The following PRTG variants were observed in gnomAD, a reference collection of about 807,000 sequenced individuals.
PRTG encodes immunoglobulin superfamily, DCC subclass, member 5.
A neutral mutation model predicts 122.5 loss-of-function variants in PRTG; 67 were observed. The observed-to-expected ratio is 0.55, with a 90% CI of 0.45 to 0.67. The LOEUF (loss-of-function observed/expected upper bound fraction) is 0.67, where lower values mean the gene tolerates loss of function less well. Among genes scored for constraint, PRTG ranks in the 30% least tolerant of loss-of-function variants. The pLI is 0.00. For synonymous variants in PRTG, 554 were observed against 501.1 expected (o/e 1.11, Z -1.41); for missense variants, 1,435 against 1,415.4 (o/e 1.01, Z -0.22).
chr15:55,720,739 C>T (rs1019905361), intron 2 of PRTG, among the ~76,000 whole-genome samples: 4 of 152,294 alleles, frequency 2.6e-5, no homozygotes, highest in South Asian at 2.1e-4. Flanking sequence ...CTGGGCCACA[C>T]TTGAAAAATA....
rs202082038 is a variant in PRTG at position 55,620,182 on chromosome 15, G to C, written c.3283C>G (p.Pro1095Ala). 8.2e-5 allele frequency: 133 copies of C among 1,614,030 alleles called. No homozygotes were observed. The highest frequency in any genetic ancestry group is 8.2e-4 in the Middle Eastern group (5 of 6,084). The change falls in exon 20 of 20, where the codon CCA becomes GCA. Residue 1095 changes from proline to alanine, a missense_variant. Pro to Ala is a conservative substitution (Grantham distance 27, BLOSUM62 -1). Transcript: ENST00000389286. Reference sequence around the variant, plus strand: ...CTTGAGAAGCTGGTTGTCTGACCTGGGGAGCTAGGGGAGTCTTCATCACTG... The same window carrying C: ...CTTGAGAAGCTGGTTGTCTGACCTGCGGAGCTAGGGGAGTCTTCATCACTG... ...LISDEDSPSS[P>A]GQTTSFSRPF...
intron 19 of PRTG, 47 bp downstream of exon 19, chr15:55,620,616 T>G: frequency 1.2e-5 from 19 of 1,548,634 alleles, no homozygotes; most frequent in Non-Finnish European, 1.6e-5. Context: ...AATCATCATT[T>G]CATATATCAC....
rs1451735449 is a variant in PRTG, at chr15:55,742,851, G to C, written c.81C>G (p.Leu27=). Residue 27 remains leucine, a synonymous_variant, in exon 1 of 20, where the codon CTC becomes CTG. Transcript: ENST00000389286. ...AAGCGCGCCCACCTGGCAAAGGACT[G>C]AGCAGCAGCAGGAGCAGGAGCGCGC... is the stretch of plus-strand genomic sequence containing the variant. ...LLRALLLLLL[L]SPLPGVWCFS... 47 of 1,540,470 alleles carry C rather than the reference G, an allele frequency of 3.1e-5. No individual in the cohort carries two copies. Among genetic ancestry groups the C allele is most frequent in the Non-Finnish European group, 4.1e-5 (47 of 1,142,152 alleles).
At chr15:55,666,796 C>T (rs1339355796) in intron 11 of PRTG, among the ~76,000 whole-genome samples, 1 of 152,066 alleles carries the variant, frequency 6.6e-6, no homozygotes, top group African/African-American at 2.4e-5. Context: ...TGCAGTTTTC[C>T]CAGGCACTAT....
chr15:55,743,127 C>T lies in PRTG; in HGVS notation c.-196G>A, dbSNP rs1362082306. 3.6e-5 allele frequency: 45 copies of T among 1,261,652 alleles called. No homozygotes were observed. The highest frequency in any genetic ancestry group is 4.3e-5 in the Admixed American group (1 of 23,172). The allele number at this position is 1,261,652 out of a possible 1,614,324, so 78.2% of individuals were successfully genotyped here. On this transcript the variant is annotated 5_prime_UTR_variant, in exon 1 of 20. Transcript: ENST00000389286. ...ACGGCCGCTCGCGAGAAGCAAGGGG[C>T]CTGAGAGTCCGGCTGGGGGCGGAGT...
chr15:55,695,126 GAAA>G (rs548676310), intron 2 of PRTG, among the ~76,000 whole-genome samples: 1 of 149,802 alleles, frequency 6.7e-6, no homozygotes, highest in Non-Finnish European at 1.5e-5. Context: ...TTTATAGTCA[GAAA>G]AAAAAACATT....
At chr15:55,730,370 G>A (rs2031188211) in intron 2 of PRTG, among the ~76,000 whole-genome samples, 1 of 152,018 alleles carries the variant, frequency 6.6e-6, no homozygotes, top group African/African-American at 2.4e-5. Context: ...CCAAAGTGCT[G>A]GGATTACAGG....
At chr15:55,661,137 A>G (rs1428296370) in intron 11 of PRTG, among the ~76,000 whole-genome samples, 2 of 152,182 alleles carry the variant, frequency 1.3e-5, no homozygotes, top group Non-Finnish European at 2.9e-5. Flanking sequence ...TTTCCCTAAA[A>G]CAAACAAACA....
chr15:55,624,371 T>TG lies in PRTG; in HGVS notation c.3063_3064insC (p.Ile1022HisfsTer8), dbSNP rs2059182855. 17 of 1,614,036 alleles carry TG rather than the reference T, an allele frequency of 1.1e-5. No homozygotes were observed. In the African/African-American group the frequency reaches 2.0e-4, roughly 19 times the overall value. On this transcript the variant is annotated frameshift_variant, in exon 18 of 20. Transcript: ENST00000389286. LOFTEE classifies it high-confidence loss of function. ...GCATCAATGAAGCTGTTTGGCATGA[T>TG]CATTGGCATTAAAGATTCTTCATTT...
In PRTG at chr15:55,743,109, C is replaced by T; in HGVS notation, c.-178G>A. ...GGCGAGGCTGGTGCTCGGACGGCCG[C>T]TCGCGAGAAGCAAGGGGCCTGAGAG... is the stretch of plus-strand genomic sequence containing the variant. On this transcript the variant is annotated 5_prime_UTR_variant, in exon 1 of 20. Coordinates refer to ENST00000389286, the MANE Select transcript of PRTG (RefSeq NM_173814.6). 3 of 1,277,776 alleles carry T rather than the reference C, an allele frequency of 2.3e-6. No homozygotes were observed. The highest frequency in any genetic ancestry group is 3.0e-6 in the Non-Finnish European group (3 of 1,016,742). 79.2% of individuals were successfully genotyped at this position (1,277,776 alleles called of 1,614,324 possible).
intron 11 of PRTG, among the ~76,000 whole-genome samples, chr15:55,663,997 A>G (rs187054714): frequency 1.3e-5 from 2 of 152,346 alleles, no homozygotes; most frequent in African/African-American, 2.4e-5. Flanking sequence ...GCTGAGGAGT[A>G]TTCCAATTGT....
chr15:55,736,107 G>C (rs188592927), intron 2 of PRTG, among the ~76,000 whole-genome samples: 2 of 152,220 alleles, frequency 1.3e-5, no homozygotes, highest in Admixed American at 1.3e-4. Context: ...ACATACCTCA[G>C]TTCTGTTGGT....
rs35216342 is a variant in PRTG, at chr15:55,708,148, T to TAAAAAAAAAAAAA, written c.398-24230_398-24218dup. ...CCTGTGGAAAGGAGGAGTAAGCTGG[T>TAAAAAAAAAAAAA]AAAAAAAAAAAAAAAAAAAAAAAAA... On this transcript the variant is annotated intron_variant, in intron 2 of 19. Coordinates refer to ENST00000389286, the MANE Select transcript of PRTG (RefSeq NM_173814.6). Among the ~76,000 whole-genome samples the TAAAAAAAAAAAAA allele has an allele frequency of 7.3e-4, 51 of 70,018 alleles. 8 individuals are homozygous for TAAAAAAAAAAAAA. Among genetic ancestry groups the TAAAAAAAAAAAAA allele is most frequent in the Non-Finnish European group, 9.8e-4 (34 of 34,540 alleles). The allele number at this position is 70,018 out of a possible 152,430, so 45.9% of individuals were successfully genotyped here.
chr15:55,661,011 T>C (rs901162861), intron 11 of PRTG, among the ~76,000 whole-genome samples: 2 of 152,236 alleles, frequency 1.3e-5, no homozygotes, highest in Admixed American at 6.5e-5. Context: ...ATGTGTTTTT[T>C]ATGTTTTAAA....
intron 2 of PRTG, among the ~76,000 whole-genome samples, chr15:55,724,665 T>C (rs531812037): frequency 2.0e-5 from 3 of 151,798 alleles, no homozygotes; most frequent in East Asian, 3.9e-4. Context: ...AGCTGAGGCA[T>C]GAGAATCACT....
At chr15:55,732,218 T>A (rs547112465) in intron 2 of PRTG, among the ~76,000 whole-genome samples, 44 of 152,336 alleles carry the variant, frequency 2.9e-4, no homozygotes, top group African/African-American at 1.0e-3. Flanking sequence ...AGACAGAGTC[T>A]TACTCTGTCA....
intron 2 of PRTG, among the ~76,000 whole-genome samples, chr15:55,736,726 A>T (rs1273561659): frequency 6.6e-6 from 1 of 152,206 alleles, no homozygotes; most frequent in Non-Finnish European, 1.5e-5. Context: ...CCAGCTACAA[A>T]GGGTCACATA....
At chr15:55,706,680 G>T (rs2030137231) in intron 2 of PRTG, among the ~76,000 whole-genome samples, 1 of 151,826 alleles carries the variant, frequency 6.6e-6, no homozygotes, top group Admixed American at 6.6e-5. Context: ...GTGTAAGGAT[G>T]ACTTGAGCCC....
rs2059279072 is a variant in PRTG, at chr15:55,639,752, G to A, written c.2214C>T (p.Ile738=). 2.5e-6 allele frequency: 4 copies of A among 1,614,206 alleles called. No homozygotes were observed. The South Asian group carries it at 3.3e-5, about 13-fold the overall frequency. The change falls in exon 13 of 20, where the codon ATC becomes ATT. Residue 738 remains isoleucine (I), a synonymous_variant. Transcript: ENST00000389286. ...LYAKANTSSS[I]FLHWRRPAFT... The stretch of plus-strand genomic sequence containing the variant: ...ATGCAGGCCTCCTCCAGTGCAGGAA[G>A]ATGGAAGATGAGGTGTTAGCCTTCG...
Sources: allele counts gnomAD v4.1 joint callset (sites outside exome capture counted in the v4.1 genomes callset), GRCh38; gene constraint gnomAD v4.1.1; transcripts MANE v1.5; gene names NCBI Gene and HGNC (gene_info 2026-07-23, HGNC 2026-07-21).